The following BCR variants were observed in gnomAD, a reference collection of about 807,000 sequenced individuals.
BCR encodes breakpoint cluster region protein.
Under a neutral mutation model 138.6 loss-of-function variants are expected in BCR, and 58 were observed. The ratio of observed to expected loss-of-function variants is 0.42; its 90% CI spans 0.34 to 0.52. The LOEUF (loss-of-function observed/expected upper bound fraction) is 0.52. Ranked by LOEUF, BCR falls within the 20% of genes least tolerant of loss-of-function variation. BCR has a pLI of 0.06. For missense variants in BCR, 1,599 were observed against 1,727.2 expected (o/e 0.93, Z 1.32); for synonymous variants, 786 against 730.1 (o/e 1.08, Z -1.23).
At chr22:23,216,937 G>A (rs1484459341) in intron 1 of BCR, 8 of 344,184 alleles carry the variant, frequency 2.3e-5, no homozygotes, top group East Asian at 1.1e-4. Flanking sequence ...AACTTCCACC[G>A]GATTCTGTTG....
chr22:23,192,384 C>CA (rs1332835244), intron 1 of BCR, among the ~76,000 whole-genome samples: 1 of 152,208 alleles, frequency 6.6e-6, no homozygotes, highest in East Asian at 1.9e-4. Context: ...AGACCTGGAT[C>CA]ATTTGCTCAG....
At chr22:23,209,988 G>C (rs1348896263) in intron 1 of BCR, among the ~76,000 whole-genome samples, 1 of 151,974 alleles carries the variant, frequency 6.6e-6, no homozygotes, top group African/African-American at 2.4e-5. Context: ...CCACTTAACA[G>C]CTATTTGTTT....
rs74830910 is a variant in BCR, at chr22:23,238,126, C to T, written c.1280-15673C>T. On this transcript the variant is annotated intron_variant, in intron 1 of 22. Coordinates refer to ENST00000305877, the MANE Select transcript of BCR (RefSeq NM_004327.4). ...TGAGAGATGAAACGAGGAGTTTCAT[C>T]TGCAGGCCCCTGGGCCCTCTGGTCA... is the stretch of plus-strand genomic sequence containing the variant. Among the ~76,000 whole-genome samples, 1,405 of 152,060 alleles carry T rather than the reference C, an allele frequency of 9.2e-3. 17 individuals carry two copies. The highest frequency in any genetic ancestry group is 0.032 in the African/African-American group (1,323 of 41,422).
intron 19 of BCR, 171 bp downstream of exon 19, chr22:23,312,007 T>C: frequency 7.6e-7 from 1 of 1,323,012 alleles, no homozygotes; most frequent in South Asian, 1.6e-5. Context: ...AAAAAGCCTC[T>C]GTAGAAACCA....
rs188814878 is a variant in BCR at position 23,292,474 on chromosome 22, T to A, written c.2783-67T>A. 1.2e-4 allele frequency: 138 copies of A among 1,112,110 alleles called. No individual in the cohort carries two copies. The East Asian group carries it at 3.2e-3, about 26-fold the overall frequency. The allele number at this position is 1,112,110 out of a possible 1,614,324, so 68.9% of individuals were successfully genotyped here. A position where few individuals can be genotyped will look rare whatever the true frequency, so the allele number is the denominator to read the frequency against. On this transcript the variant is annotated intron_variant, in intron 14 of 22. Coordinates refer to ENST00000305877, the MANE Select transcript of BCR (RefSeq NM_004327.4). ...TTCTGATTCTGCAAATAACACCTGCTCTTACAGACCATGTGGGTGATGTGG... is the reference window on the plus strand; with the variant it reads ...TTCTGATTCTGCAAATAACACCTGCACTTACAGACCATGTGGGTGATGTGG...
chr22:23,309,314 G>A (rs553433540), intron 16 of BCR, 110 bp from the exon 17 acceptor site: 68 of 965,014 alleles, frequency 7.0e-5, no homozygotes, highest in African/African-American at 4.5e-4. Context: ...GGCCGCAGTC[G>A]GGCTCTGCCT....
In BCR at chr22:23,181,155, G is replaced by A. The variant is rs200682633; in HGVS notation, c.195G>A (p.Lys65=). The change falls in exon 1 of 23, where the codon AAG becomes AAA. Residue 65 remains lysine, a synonymous_variant. Coordinates refer to ENST00000305877, the MANE Select transcript of BCR (RefSeq NM_004327.4). ...TCTACCTGCAGACGTTGCTGGCCAA[G>A]GAAAAGAAGAGCTATGACCGGCAGC... ...RMIYLQTLLA[K]EKKSYDRQRW... 4.1e-6 allele frequency: 6 copies of A among 1,450,962 alleles called. No homozygotes were observed. The South Asian group carries it at 5.4e-5, about 13-fold the overall frequency. The allele number at this position is 1,450,962 out of a possible 1,614,324, so 89.9% of individuals were successfully genotyped here. A position where few individuals can be genotyped will look rare whatever the true frequency, so the allele number is the denominator to read the frequency against.
intron 1 of BCR, among the ~76,000 whole-genome samples, chr22:23,182,511 G>A (rs1361202476): frequency 1.3e-5 from 2 of 152,220 alleles, no homozygotes; most frequent in Non-Finnish European, 2.9e-5. Flanking sequence ...AGAGCAATGT[G>A]TTTGTGAAGT....
chr22:23,264,257 G>T (rs113157063), intron 4 of BCR: 2 of 942,920 alleles, frequency 2.1e-6, no homozygotes, highest in Non-Finnish European at 1.8e-6. Context: ...CGCTGACGTC[G>T]ACCCGCCTCG....
At position 23,233,814 on chromosome 22, in the gene BCR, A is replaced by G. The variant is rs11090225; in HGVS notation, c.1280-19985A>G. On this transcript the variant is annotated intron_variant, in intron 1 of 22. Coordinates refer to ENST00000305877, the MANE Select transcript of BCR (RefSeq NM_004327.4). ...CAAAAAAAAAAAAAAGAAAAAAAAG[A>G]AAAAAAAAAAGAAGAACATGGTGAC... Among the ~76,000 whole-genome samples, 15 of 28,498 alleles carry G rather than the reference A, an allele frequency of 5.3e-4. 1 individual carries two copies. Among genetic ancestry groups the G allele is most frequent in the South Asian group, 2.5e-3 (2 of 802 alleles). The allele number at this position is 28,498 out of a possible 152,430, so 18.7% of individuals were successfully genotyped here.
chr22:23,247,584 T>C (rs1471106185), intron 1 of BCR, among the ~76,000 whole-genome samples: 3 of 152,156 alleles, frequency 2.0e-5, no homozygotes, highest in Admixed American at 1.3e-4. Flanking sequence ...GGTCAGGGGC[T>C]GGGTTCCTGG....
At chr22:23,304,097 C>CTTTT (rs1229578118) in intron 16 of BCR, among the ~76,000 whole-genome samples, 1 of 96,236 alleles carries the variant, frequency 1.0e-5, no homozygotes, top group African/African-American at 4.8e-5. Flanking sequence ...CCATGCCAGG[C>CTTTT]TATTTTTTTT....
At position 23,250,438 on chromosome 22, in the gene BCR, C is replaced by G. The variant is rs192851122; in HGVS notation, c.1280-3361C>G. ...GAAGCTGTGGTTTTAGTCTCTTTCT[C>G]TAGTGATAAGTGGAAAAGAGGGATG... On this transcript the variant is annotated intron_variant, in intron 1 of 22. Transcript: ENST00000305877. Among the ~76,000 whole-genome samples, 327 of 152,306 alleles carry G rather than the reference C, an allele frequency of 2.1e-3. 1 individual carries two copies. The highest frequency in any genetic ancestry group is 7.5e-3 in the African/African-American group (312 of 41,578).
In BCR at chr22:23,190,578, C is replaced by G. The variant is rs1178115761; in HGVS notation, c.1279+8339C>G. Among the ~76,000 whole-genome samples the G allele has an allele frequency of 2.6e-5, 4 of 152,168 alleles. No homozygotes were observed. The East Asian group carries it at 7.7e-4, about 29-fold the overall frequency. ...AAGGCCTTATTTCCAAATACAGTCA[C>G]ATTCTGAGGTACTGGGAGTTAGAAC... On this transcript the variant is annotated intron_variant, in intron 1 of 22. Transcript: ENST00000305877.
intron 1 of BCR, among the ~76,000 whole-genome samples, chr22:23,190,742 G>A (rs2072402800): frequency 6.6e-6 from 1 of 152,046 alleles, no homozygotes; most frequent in South Asian, 2.1e-4. Flanking sequence ...AGGAGTGTGA[G>A]CCAAGCGTCA....
intron 9 of BCR, among the ~76,000 whole-genome samples, chr22:23,284,807 C>T (rs772113238): frequency 1.3e-5 from 2 of 152,216 alleles, no homozygotes; most frequent in African/African-American, 4.8e-5. Context: ...ATCTAGACTC[C>T]TGAGATGCCT....
chr22:23,232,875 A>G (rs1391212086), intron 1 of BCR, among the ~76,000 whole-genome samples: 1 of 152,220 alleles, frequency 6.6e-6, no homozygotes, highest in Admixed American at 6.5e-5. Flanking sequence ...TCCATTTGGC[A>G]AAGATGAGAG....
rs541149689 is a variant in BCR at position 23,306,256 on chromosome 22, G to A, written c.3013-3168G>A. On this transcript the variant is annotated intron_variant, in intron 16 of 22. Transcript: ENST00000305877. ...CTGGCAGCATCAGTACCAGGTTGGA[G>A]TGGGCGCTGGACACCACCAATGCTG... is the stretch of plus-strand genomic sequence containing the variant. 4 of 152,380 alleles carry A rather than the reference G, an allele frequency of 2.6e-5. No homozygotes were observed. The East Asian group carries it at 7.7e-4, about 29-fold the overall frequency. 9.4% of individuals were successfully genotyped at this position (152,380 alleles called of 1,614,324 possible). A position where few individuals can be genotyped will look rare whatever the true frequency, so the allele number is the denominator to read the frequency against.
chr22:23,287,467 G>C (rs572102288), intron 11 of BCR, among the ~76,000 whole-genome samples, 189 bp downstream of exon 11: 6 of 152,370 alleles, frequency 3.9e-5, no homozygotes, highest in African/African-American at 1.2e-4. Flanking sequence ...AGTGGCAGCT[G>C]GCTCAGCTCC....
Sources: gnomAD v4.1 joint callset for allele counts (sites outside exome capture counted in the v4.1 genomes callset) on GRCh38, gnomAD v4.1.1 for gene constraint, MANE v1.5 for transcripts, NCBI Gene and HGNC (gene_info 2026-07-23, HGNC 2026-07-21) for gene names.